NTM: variants seen among roughly 807,000 people sequenced by gnomAD.
NTM encodes the protein neurotrimin, also known as IgLON family member 2.
In NTM, 13 loss-of-function variants were observed where a neutral mutation model predicts 42.1. The observed-to-expected ratio is 0.31, with a 90% CI of 0.20 to 0.49. The LOEUF (loss-of-function observed/expected upper bound fraction) is 0.49. NTM is among the 20% of genes least tolerant of loss of function. NTM has a pLI of 0.99. For synonymous variants in NTM, 187 were observed against 179.2 expected (o/e 1.04, Z -0.35); for missense variants, 373 against 452.8 (o/e 0.82, Z 1.60).
rs372482251 is a variant in NTM, at chr11:132,335,169, G to A, written c.*23G>A. On this transcript the variant is annotated 3_prime_UTR_variant, in exon 9 of 9. Coordinates refer to ENST00000683400, the MANE Select transcript of NTM (RefSeq NM_001352005.2). Reference sequence around the variant, plus strand: ...TGATGTGAGTGCCACTTCCCCACCCGGGAAAGGCTGCCGCCACCACCACCA... The same window carrying A: ...TGATGTGAGTGCCACTTCCCCACCCAGGAAAGGCTGCCGCCACCACCACCA... 1.2e-5 allele frequency: 19 copies of A among 1,609,966 alleles called. No individual in the cohort carries two copies. The highest frequency in any genetic ancestry group is 1.6e-4 in the Middle Eastern group (1 of 6,082).
rs1414920163 is a variant in NTM, at chr11:132,327,125, T to C, written c.935-3028T>C. 2.6e-5 allele frequency among the ~76,000 whole-genome samples: 4 copies of C among 152,220 alleles called. No individual in the cohort carries two copies. In the South Asian group the frequency reaches 6.2e-4, roughly 24 times the overall value. On this transcript the variant is annotated intron_variant, in intron 7 of 8. Transcript: ENST00000683400. ...ATTAATATTTGGTGGTGCAGGACTC[T>C]CACGGTGATAAATAAGGACTCAAGG... is the stretch of plus-strand genomic sequence containing the variant.
At chr11:132,075,824 C>A (rs1023801383) in intron 2 of NTM, among the ~76,000 whole-genome samples, 2 of 152,110 alleles carry the variant, frequency 1.3e-5, no homozygotes, top group Non-Finnish European at 2.9e-5. Flanking sequence ...AGCCTAAAGG[C>A]AGAAAAGGAA....
chr11:131,698,806 C>G (rs1340914848), intron 1 of NTM, among the ~76,000 whole-genome samples: 2 of 152,156 alleles, frequency 1.3e-5, no homozygotes, highest in Non-Finnish European at 2.9e-5. Flanking sequence ...ACATTGTAGC[C>G]CAGATATGAT....
At chr11:132,124,423 G>A (rs1566226686) in intron 2 of NTM, among the ~76,000 whole-genome samples, 1 of 152,152 alleles carries the variant, frequency 6.6e-6, no homozygotes, top group African/African-American at 2.4e-5. Context: ...TGGCACCTGC[G>A]CCTTAGATTC....
chr11:132,319,286 C>G lies in NTM; in HGVS notation c.934+4583C>G, dbSNP rs895789127. Among the ~76,000 whole-genome samples, 15 of 152,310 alleles carry G rather than the reference C, an allele frequency of 9.8e-5. No individual in the cohort carries two copies. In the South Asian group the frequency reaches 3.1e-3, roughly 32 times the overall value. On this transcript the variant is annotated intron_variant, in intron 7 of 8. Coordinates refer to ENST00000683400, the MANE Select transcript of NTM (RefSeq NM_001352005.2). ...GACAGTAGGTGCAGGACAGTGGGTGCAGCTCACCGTGTGCGAGCCGAAGCA... is the reference window on the plus strand; with the variant it reads ...GACAGTAGGTGCAGGACAGTGGGTGGAGCTCACCGTGTGCGAGCCGAAGCA...
At chr11:131,638,563 CAAAAAAAAAAAAA>C (rs58374119) in intron 1 of NTM, among the ~76,000 whole-genome samples, 52 of 53,332 alleles carry the variant, frequency 9.8e-4, no homozygotes, top group African/African-American at 2.3e-3. Context: ...GAGACTCCTT[CAAAAAAAAAAAAA>C]AAAAAAAAAA....
At chr11:131,536,270 A>G (rs1461947006) in intron 1 of NTM, 1 of 152,218 alleles carries the variant, frequency 6.6e-6, no homozygotes. Context: ...TCCAGCCCTG[A>G]TGGCAAATCA....
intron 1 of NTM, among the ~76,000 whole-genome samples, chr11:131,612,164 T>G (rs969605090): frequency 1.5e-4 from 23 of 152,312 alleles, no homozygotes; most frequent in African/African-American, 5.1e-4. Flanking sequence ...TTGCCAGCCA[T>G]GTACATGGGC....
chr11:131,618,386 T>C (rs1344783218), intron 1 of NTM, among the ~76,000 whole-genome samples: 2 of 152,234 alleles, frequency 1.3e-5, no homozygotes, highest in African/African-American at 2.4e-5. Context: ...CTCTGGACTA[T>C]GGCCAAGTGC....
chr11:131,548,862 G>A (rs1289374331), intron 1 of NTM, among the ~76,000 whole-genome samples: 5 of 152,160 alleles, frequency 3.3e-5, no homozygotes, highest in Non-Finnish European at 7.3e-5. Context: ...GGGAATTGGG[G>A]ACACTGAGAC....
chr11:131,503,574 G>A (rs893263348), intron 1 of NTM, among the ~76,000 whole-genome samples: 18 of 150,988 alleles, frequency 1.2e-4, no homozygotes, highest in African/African-American at 4.2e-4. Flanking sequence ...TCAGGCTGGA[G>A]TGCAGTGGCA....
intron 1 of NTM, among the ~76,000 whole-genome samples, chr11:131,554,719 G>T (rs1392979237): frequency 6.6e-6 from 1 of 152,164 alleles, no homozygotes; most frequent in Non-Finnish European, 1.5e-5. Flanking sequence ...ACAACTTTGA[G>T]GTATATCAAA....
At chr11:132,153,315 A>G (rs1327591695) in intron 3 of NTM, among the ~76,000 whole-genome samples, 1 of 152,204 alleles carries the variant, frequency 6.6e-6, no homozygotes, top group Non-Finnish European at 1.5e-5. Flanking sequence ...AGCTTTTTCA[A>G]GATGTATGCC....
intron 1 of NTM, among the ~76,000 whole-genome samples, chr11:131,764,839 A>G (rs1454141297): frequency 6.6e-6 from 1 of 152,170 alleles, no homozygotes; most frequent in Non-Finnish European, 1.5e-5. Context: ...CAGATGCCCC[A>G]GAGACATCAT....
intron 2 of NTM, among the ~76,000 whole-genome samples, chr11:131,997,706 A>G (rs1349966346): frequency 6.6e-6 from 1 of 152,072 alleles, no homozygotes; most frequent in East Asian, 1.9e-4. Flanking sequence ...AGCTGTCACA[A>G]TAATTGGAAG....
At chr11:132,310,644 C>CTGCAGCTAG (rs974168857) in intron 6 of NTM, among the ~76,000 whole-genome samples, 3 of 152,132 alleles carry the variant, frequency 2.0e-5, no homozygotes, top group African/African-American at 4.8e-5. Flanking sequence ...AATAAGTTAG[C>CTGCAGCTAG]TGCAGCTAGT....
chr11:131,968,171 C>G (rs1244098506), intron 2 of NTM, among the ~76,000 whole-genome samples: 1 of 152,146 alleles, frequency 6.6e-6, no homozygotes, highest in East Asian at 1.9e-4. Flanking sequence ...GATCTCCTCC[C>G]CTACATATTT....
chr11:132,275,752 A>ATATATATATGTG (rs1565363439), intron 4 of NTM, among the ~76,000 whole-genome samples: 5 of 26,830 alleles, frequency 1.9e-4, no homozygotes, highest in South Asian at 2.6e-3. Flanking sequence ...ATATATGTGT[A>ATATATATATGTG]TATATATATA....
chr11:132,288,630 T>G (rs948278388), intron 4 of NTM, among the ~76,000 whole-genome samples: 5 of 152,188 alleles, frequency 3.3e-5, no homozygotes, highest in Non-Finnish European at 7.3e-5. Flanking sequence ...TCTTTTTCTT[T>G]TTTTTTGGGA....
Sources: allele counts gnomAD v4.1 joint callset (sites outside exome capture counted in the v4.1 genomes callset), GRCh38; gene constraint gnomAD v4.1.1; transcripts MANE v1.5; gene names NCBI Gene and HGNC (gene_info 2026-07-23, HGNC 2026-07-21).